The following BLK variants were observed in gnomAD, a reference collection of about 807,000 sequenced individuals.
The protein encoded by BLK is BLK proto-oncogene, Src family tyrosine kinase.
In BLK, 64 loss-of-function variants were observed where a neutral mutation model predicts 61.8. That is an observed-to-expected ratio of 1.03 (90% CI 0.85 to 1.27). BLK has a LOEUF of 1.27. BLK is among the 50% of genes most tolerant of loss of function. BLK has a pLI of 0.00. For synonymous variants in BLK, 351 were observed against 272.0 expected, an observed-to-expected ratio of 1.29 and a Z score of -2.86; for missense variants, 853 against 660.5, an observed-to-expected ratio of 1.29 and a Z score of -3.19.
intron 1 of BLK, among the ~76,000 whole-genome samples, chr8:11,539,493 A>G (rs1800278597): frequency 1.3e-5 from 2 of 152,098 alleles, no homozygotes; most frequent in Admixed American, 6.5e-5. Flanking sequence ...TACAACAAAC[A>G]TTTTCATCTC....
At chr8:11,526,869 G>C (rs572282837) in intron 1 of BLK, among the ~76,000 whole-genome samples, 1 of 152,110 alleles carries the variant, frequency 6.6e-6, no homozygotes, top group South Asian at 2.1e-4. Flanking sequence ...AATTAAGTGG[G>C]ATAATTGAAT....
At chr8:11,497,875 G>T (rs1322621617) in intron 1 of BLK, among the ~76,000 whole-genome samples, 1 of 152,176 alleles carries the variant, frequency 6.6e-6, no homozygotes, top group Non-Finnish European at 1.5e-5. Context: ...CTTCCTGCCA[G>T]CCAGGTCAGT....
rs370185692 is a variant in BLK at position 11,558,031 on chromosome 8, C to T, written c.1022C>T (p.Ser341Leu). The T allele has an allele frequency of 4.5e-5, 72 of 1,613,844 alleles. No individual in the cohort carries two copies. Among genetic ancestry groups the T allele is most frequent in the Non-Finnish European group, 5.3e-5 (63 of 1,179,884 alleles). The part of the protein sequence containing the change: ...RLSLPRLIDM[S>L]AQIAEGMAYI... ...TCACTCCCAAGGCTGATTGACATGT[C>T]GGCGCAGGTTGGTGAAGTACCAGGT... is the stretch of plus-strand genomic sequence containing the variant. Residue 341 changes from serine (S) to leucine (L), a missense_variant, in exon 10 of 13, where the codon TCG (serine) becomes TTG (leucine). Ser to Leu is a moderately radical substitution (Grantham distance 145). Coordinates refer to ENST00000259089, the MANE Select transcript of BLK (RefSeq NM_001715.3).
At chr8:11,556,569 C>T (rs1801234428) in intron 8 of BLK, 89 bp from the exon 9 acceptor site, 1 of 1,521,754 alleles carries the variant, frequency 6.6e-7, no homozygotes, top group Admixed American at 1.7e-5. Flanking sequence ...TGGGGTGGCA[C>T]CTGGGCACTT....
intron 1 of BLK, among the ~76,000 whole-genome samples, chr8:11,505,496 G>T (rs533191402): frequency 2.0e-5 from 3 of 152,094 alleles, no homozygotes; most frequent in Non-Finnish European, 4.4e-5. Context: ...CCTGAGTGAG[G>T]GCAAAGTTGT....
intron 1 of BLK, among the ~76,000 whole-genome samples, chr8:11,498,081 G>T (rs376549646): frequency 1.6e-4 from 25 of 152,308 alleles, no homozygotes; most frequent in South Asian, 2.1e-4. Context: ...TGTAATCAAG[G>T]AAGTTTTCTC....
chr8:11,546,233 G>A lies in BLK; in HGVS notation c.175+130G>A, dbSNP rs1032227401. 1.1e-5 allele frequency: 12 copies of A among 1,131,188 alleles called. No individual in the cohort carries two copies. The African/African-American group carries it at 1.7e-4, about 16-fold the overall frequency. The allele number at this position is 1,131,188 out of a possible 1,614,324, so 70.1% of individuals were successfully genotyped here. ...AGAAGAGAAAACGGGGAAGCTGAGA[G>A]AGGCCCCGGCTCTGTGCCTCTTGGG... On this transcript the variant is annotated intron_variant, in intron 3 of 12. Coordinates refer to ENST00000259089, the MANE Select transcript of BLK (RefSeq NM_001715.3).
At chr8:11,508,133 G>T (rs946560336) in intron 1 of BLK, among the ~76,000 whole-genome samples, 1 of 152,190 alleles carries the variant, frequency 6.6e-6, no homozygotes, top group African/African-American at 2.4e-5. Flanking sequence ...CAAAGTGCAG[G>T]CTCAGGACTG....
At chr8:11,531,397 G>A (rs572871838) in intron 1 of BLK, among the ~76,000 whole-genome samples, 7 of 152,096 alleles carry the variant, frequency 4.6e-5, no homozygotes, top group African/African-American at 9.7e-5. Context: ...AGAAGGTCAC[G>A]TTTGTATGCT....
intron 1 of BLK, among the ~76,000 whole-genome samples, chr8:11,531,324 A>G (rs535916388): frequency 1.4e-4 from 22 of 152,270 alleles, no homozygotes; most frequent in African/African-American, 5.3e-4. Context: ...AGTCTAATTT[A>G]TCAATTTTTC....
At chr8:11,514,694 G>A (rs762685557) in intron 1 of BLK, among the ~76,000 whole-genome samples, 1 of 152,168 alleles carries the variant, frequency 6.6e-6, no homozygotes, top group Non-Finnish European at 1.5e-5. Context: ...GACCCATCCT[G>A]GCAAGTTGCT....
intron 1 of BLK, among the ~76,000 whole-genome samples, chr8:11,499,526 C>T (rs1378638589): frequency 6.6e-6 from 1 of 152,134 alleles, no homozygotes; most frequent in African/African-American, 2.4e-5. Context: ...GGCATGGGTA[C>T]ACTGCCGTGG....
In BLK at chr8:11,547,832, C is replaced by A. The variant is rs2306232; in HGVS notation, c.176-200C>A. On this transcript the variant is annotated intron_variant, in intron 3 of 12. Transcript: ENST00000259089. ...ATAGGGCTTCTTAGTGGGTCCACAA[C>A]GGAGGACAGGATGGGCTCTGGGGGG... is the stretch of plus-strand genomic sequence containing the variant. Among the ~76,000 whole-genome samples, 70,838 of 151,948 alleles carry A rather than the reference C, an allele frequency of 0.47. 17,776 individuals carry two copies. The highest frequency in any genetic ancestry group is 0.93 in the East Asian group (4,744 of 5,120).
At chr8:11,508,682 C>G (rs1798874958) in intron 1 of BLK, among the ~76,000 whole-genome samples, 1 of 152,236 alleles carries the variant, frequency 6.6e-6, no homozygotes, top group South Asian at 2.1e-4. Context: ...CGGGGATGTG[C>G]AGAAAGCCAG....
chr8:11,508,635 C>G (rs1172928884), intron 1 of BLK, among the ~76,000 whole-genome samples: 1 of 152,248 alleles, frequency 6.6e-6, no homozygotes, highest in Non-Finnish European at 1.5e-5. Context: ...CTTCGGGTCT[C>G]CTGGAATTGG....
In BLK at chr8:11,548,044, TG is replaced by T; in HGVS notation, c.190del (p.Val64TrpfsTer9). ...TTGTTCATTTTAGACAAGCATTTCG[TG>T]GTGGCTCTGTATGACTACACCGCTA... is the stretch of plus-strand genomic sequence containing the variant. ...DEHLDEDKHFVVALYDYTAMN... is the reference protein window; with the variant it reads ...DEHLDEDKHFXVALYDYTAMN... On this transcript the variant is annotated frameshift_variant, in exon 4 of 13. Transcript: ENST00000259089. LOFTEE classifies it high-confidence loss of function. 1 of 1,614,024 alleles carries T rather than the reference TG, an allele frequency of 6.2e-7. No individual in the cohort carries two copies. The highest frequency in any genetic ancestry group is 8.5e-7 in the Non-Finnish European group (1 of 1,179,952).
At position 11,546,034 on chromosome 8, in the gene BLK, G is replaced by A. The variant is rs372940637; in HGVS notation, c.124-18G>A. On this transcript the variant is annotated intron_variant, in intron 2 of 12. Transcript: ENST00000259089. Reference sequence around the variant, plus strand: ...CAGCAGGGACTGAAATAACTCAAGTGTGTGTTTTCTACCCAAGGTTGTCTT... The same window carrying A: ...CAGCAGGGACTGAAATAACTCAAGTATGTGTTTTCTACCCAAGGTTGTCTT... The A allele has an allele frequency of 5.0e-6, 8 of 1,613,744 alleles. No individual in the cohort carries two copies. The highest frequency in any genetic ancestry group is 1.3e-5 in the African/African-American group (1 of 74,896).
At chr8:11,507,994 A>C (rs1366906795) in intron 1 of BLK, among the ~76,000 whole-genome samples, 1 of 152,088 alleles carries the variant, frequency 6.6e-6, no homozygotes, top group Non-Finnish European at 1.5e-5. Context: ...CATCAGGCAC[A>C]CTGGTCAAGT....
chr8:11,534,548 A>G (rs1256840368), intron 1 of BLK, among the ~76,000 whole-genome samples: 1 of 152,224 alleles, frequency 6.6e-6, no homozygotes. Flanking sequence ...CTTTATAAAA[A>G]TGCCTTCTTC....
Sources: allele counts gnomAD v4.1 joint callset (sites outside exome capture counted in the v4.1 genomes callset), GRCh38; gene constraint gnomAD v4.1.1; transcripts MANE v1.5; gene names NCBI Gene and HGNC (gene_info 2026-07-23, HGNC 2026-07-21).